Variants in OSBPL2 observed in about 807,000 individuals in gnomAD.
OSBPL2 encodes oxysterol-binding protein-related protein 2.
OSBPL2 carries 18 observed loss-of-function variants against 58.4 expected under a neutral mutation model. That is an observed-to-expected ratio of 0.31 (90% CI 0.21 to 0.46). OSBPL2 has a LOEUF of 0.46. Ranked by LOEUF, OSBPL2 falls within the 20% of genes least tolerant of loss-of-function variation. The pLI, the probability that OSBPL2 is intolerant of heterozygous loss-of-function variation, is 1.00. For missense variants in OSBPL2, 461 were observed against 616.5 expected (o/e 0.75, Z 2.67); for synonymous variants, 221 against 234.1 (o/e 0.94, Z 0.51).
At chr20:62,284,664 C>T (rs1378521005) in intron 10 of OSBPL2, 2 of 155,824 alleles carry the variant, frequency 1.3e-5, no homozygotes, top group African/African-American at 4.8e-5. Flanking sequence ...TAGGCATGAA[C>T]CACAACACCC....
At chr20:62,279,778 G>T (rs140117015) in intron 7 of OSBPL2, 2 of 221,150 alleles carry the variant, frequency 9.0e-6, no homozygotes, top group East Asian at 1.8e-4. Context: ...GTTGCCCATG[G>T]CGCCTGTGTC....
In OSBPL2 at chr20:62,294,946, T is replaced by G. The variant is rs540430868; in HGVS notation, c.*1059T>G. 7.0e-6 allele frequency: 1 copy of G among 142,266 alleles called. No individual in the cohort carries two copies. Among genetic ancestry groups the G allele is most frequent in the South Asian group, 2.2e-4 (1 of 4,530 alleles). The allele number at this position is 142,266 out of a possible 1,614,324, so 8.8% of individuals were successfully genotyped here. On this transcript the variant is annotated 3_prime_UTR_variant, in exon 14 of 14. Transcript: ENST00000313733. ...ATCAAGTGACTGATTTTTTTTTCTT[T>G]TCTTTCCTTTTTTTTTTTTTTTTGA...
intron 7 of OSBPL2, among the ~76,000 whole-genome samples, chr20:62,280,770 A>G (rs1228561749): frequency 6.6e-6 from 1 of 152,226 alleles, no homozygotes. Context: ...CTTTCTTTTG[A>G]CGACTTCACA....
Position 62,269,504 on chromosome 20 carries a change from C to T in OSBPL2, c.259-2621C>T, listed in dbSNP as rs1981912960. Among the ~76,000 whole-genome samples the T allele has an allele frequency of 6.6e-6, 1 of 152,290 alleles. No homozygotes were observed. Among genetic ancestry groups the T allele is most frequent in the African/African-American group, 2.4e-5 (1 of 41,542 alleles). On this transcript the variant is annotated intron_variant, in intron 4 of 13. Transcript: ENST00000313733. This position sits in a 1 kb window ranked among gnomAD's most constrained non-coding sequence, Gnocchi z 4.2. Reference sequence around the variant, plus strand: ...GGGGGCTTTCCCTGGGTGGGAGTTGCACACAGTTGCGATACCATCTCTCCT... The same window carrying T: ...GGGGGCTTTCCCTGGGTGGGAGTTGTACACAGTTGCGATACCATCTCTCCT...
chr20:62,274,569 C>T (rs1982265523), intron 6 of OSBPL2, among the ~76,000 whole-genome samples: 1 of 152,232 alleles, frequency 6.6e-6, no homozygotes, highest in South Asian at 2.1e-4. Flanking sequence ...AGGGCACTCT[C>T]GCTGCACCCT....
chr20:62,277,125 C>A (rs1982432374), intron 6 of OSBPL2, among the ~76,000 whole-genome samples: 1 of 152,084 alleles, frequency 6.6e-6, no homozygotes. Flanking sequence ...GTGGCGGGTG[C>A]CTGTAATCCC....
chr20:62,267,042 G>A (rs1417805756), intron 4 of OSBPL2, among the ~76,000 whole-genome samples: 2 of 152,206 alleles, frequency 1.3e-5, no homozygotes, highest in Admixed American at 6.5e-5. Flanking sequence ...TCGAGGCTAC[G>A]GGTTCAGAAC....
chr20:62,276,047 G>T (rs1043357260), intron 6 of OSBPL2, among the ~76,000 whole-genome samples: 1 of 151,948 alleles, frequency 6.6e-6, no homozygotes, highest in African/African-American at 2.4e-5. Flanking sequence ...TTCCTGAGTA[G>T]TTGGGATTAC....
intron 1 of OSBPL2, among the ~76,000 whole-genome samples, chr20:62,249,435 C>T (rs746212480): frequency 2.6e-5 from 4 of 152,176 alleles, no homozygotes; most frequent in Non-Finnish European, 4.4e-5. Context: ...GAGATCTGCG[C>T]GTGGAAGAAC....
chr20:62,286,393 T>C, intron 10 of OSBPL2, 190 bp from the exon 11 acceptor site: 1 of 569,358 alleles, frequency 1.8e-6, no homozygotes, highest in Non-Finnish European at 3.1e-6. Flanking sequence ...GAGGTTGCAG[T>C]GACCCGAGAT....
At chr20:62,257,654 T>C (rs1050749442) in intron 2 of OSBPL2, among the ~76,000 whole-genome samples, 4 of 151,784 alleles carry the variant, frequency 2.6e-5, no homozygotes, top group Non-Finnish European at 5.9e-5. Flanking sequence ...GGGAGTCTCA[T>C]AGGATGTCCT....
At position 62,241,233 on chromosome 20, in the gene OSBPL2, C is replaced by T. The variant is rs567912123; in HGVS notation, c.-129+2636C>T. The stretch of plus-strand genomic sequence containing the variant: ...TCGCCCAGGCTGGAGTGCAGTGGCG[C>T]GAACTCGGCTCACTGCAAACGCGAA... On this transcript the variant is annotated intron_variant, in intron 1 of 13. Transcript: ENST00000313733. Among the ~76,000 whole-genome samples, 1,152 of 151,790 alleles carry T rather than the reference C, an allele frequency of 7.6e-3. 13 individuals are homozygous for T. Among genetic ancestry groups the T allele is most frequent in the Non-Finnish European group, 0.012 (806 of 67,944 alleles).
chr20:62,239,089 G>C (rs1028130121), intron 1 of OSBPL2: 3 of 152,234 alleles, frequency 2.0e-5, no homozygotes, highest in African/African-American at 7.2e-5. Context: ...GTTCCGCCGG[G>C]AAGAAGGGCA....
chr20:62,277,881 G>A (rs1445746923), intron 6 of OSBPL2, among the ~76,000 whole-genome samples: 1 of 152,218 alleles, frequency 6.6e-6, no homozygotes, highest in African/African-American at 2.4e-5. Context: ...TTCCTGGACA[G>A]GAGTATTTTG....
rs1983705243 is a variant in OSBPL2 at position 62,293,984 on chromosome 20, T to C, written c.*97T>C. 1.3e-6 allele frequency: 2 copies of C among 1,491,666 alleles called. No homozygotes were observed. The highest frequency in any genetic ancestry group is 1.8e-6 in the Non-Finnish European group (2 of 1,118,602). 92.4% of individuals were successfully genotyped at this position (1,491,666 alleles called of 1,614,324 possible). ...CCTCGTCACAGCAGAAACCAACTTT[T>C]CTAACGACTGAGTTCGCGGAGATAG... On this transcript the variant is annotated 3_prime_UTR_variant, in exon 14 of 14. Transcript: ENST00000313733.
Position 62,293,954 on chromosome 20 carries a change from G to C in OSBPL2, c.*67G>C, listed in dbSNP as rs2145986282. On this transcript the variant is annotated 3_prime_UTR_variant, in exon 14 of 14. Transcript: ENST00000313733. ...GGCTGGACTTCCTCGAGTGGCCACT[G>C]TGAGCCTCGTCACAGCAGAAACCAA... 1.6e-5 allele frequency: 25 copies of C among 1,573,712 alleles called. No individual in the cohort carries two copies. Among genetic ancestry groups the C allele is most frequent in the Non-Finnish European group, 2.2e-5 (25 of 1,161,626 alleles).
chr20:62,269,605 C>T lies in OSBPL2; in HGVS notation c.259-2520C>T, dbSNP rs543780645. Among the ~76,000 whole-genome samples, 36 of 152,344 alleles carry T rather than the reference C, an allele frequency of 2.4e-4. No individual in the cohort carries two copies. In the South Asian group the frequency reaches 7.0e-3, roughly 30 times the overall value. On this transcript the variant is annotated intron_variant, in intron 4 of 13. Transcript: ENST00000313733. This position sits in a 1 kb window ranked among gnomAD's most constrained non-coding sequence, Gnocchi z 4.2. ...ACTTCCCGGCCTCCCTGGTCCCAAT[C>T]TCTGGCCGCTGTGGACTGTGGCCTC...
chr20:62,277,287 G>A (rs1447444060), intron 6 of OSBPL2, among the ~76,000 whole-genome samples: 1 of 152,204 alleles, frequency 6.6e-6, no homozygotes, highest in Non-Finnish European at 1.5e-5. Flanking sequence ...AATCAGAAGA[G>A]GAAAGAAGTT....
intron 12 of OSBPL2, 52 bp downstream of exon 12, chr20:62,289,382 A>C: frequency 6.3e-7 from 1 of 1,586,572 alleles, no homozygotes; most frequent in South Asian, 1.1e-5. Flanking sequence ...CGCCCTGGCT[A>C]GGGTGGGAGA....
Sources: gnomAD v4.1 joint callset for allele counts (sites outside exome capture counted in the v4.1 genomes callset) on GRCh38, gnomAD v4.1.1 for gene constraint, Gnocchi (gnomAD v3.1) non-coding constraint, MANE v1.5 for transcripts, NCBI Gene and HGNC (gene_info 2026-07-23, HGNC 2026-07-21) for gene names.